CIC: variants seen among roughly 807,000 people sequenced by gnomAD.
CIC encodes the protein protein capicua homolog.
CIC carries 18 observed loss-of-function variants against 115.7 expected under a neutral mutation model. That is an observed-to-expected ratio of 0.16 (90% CI 0.11 to 0.23). CIC has a LOEUF of 0.23. Ranked by LOEUF, CIC falls within the 10% of genes least tolerant of loss-of-function variation. CIC has a pLI of 1.00. For synonymous variants in CIC, 1,076 were observed against 923.0 expected (o/e 1.17, Z -3.01); for missense variants, 2,000 against 2,159.3 (o/e 0.93, Z 1.46).
At chr19:42,284,025 A>G (rs1219325507) in intron 2 of CIC, 1 of 99,426 alleles carries the variant, frequency 1.0e-5, no homozygotes, top group African/African-American at 3.8e-5. Context: ...GGGCGGGGGG[A>G]GGCGCGGCGG....
chr19:42,288,084 GCTTT>G, intron 7 of CIC, 109 bp downstream of exon 7: 1 of 1,321,686 alleles, frequency 7.6e-7, no homozygotes, highest in East Asian at 2.5e-5. Context: ...CTGCTCTATC[GCTTT>G]AATTTGGCGA....
intron 1 of CIC, among the ~76,000 whole-genome samples, chr19:42,271,354 C>T (rs1599845821): frequency 6.6e-6 from 1 of 152,302 alleles, no homozygotes; most frequent in East Asian, 1.9e-4. Context: ...GCTCAGTTTC[C>T]TCAGGTGTGA....
chr19:42,288,386 G>A (rs2037817262), intron 7 of CIC, among the ~76,000 whole-genome samples: 1 of 152,192 alleles, frequency 6.6e-6, no homozygotes, highest in African/African-American at 2.4e-5. Context: ...CAGCACCATA[G>A]TTGGGGCCAC....
Position 42,272,573 on chromosome 19 carries a change from C to G in CIC, c.790C>G (p.Leu264Val), listed in dbSNP as rs1282024805. The G allele has an allele frequency of 7.5e-6, 3 of 398,412 alleles. No individual in the cohort carries two copies. The East Asian group carries it at 1.1e-4, about 14-fold the overall frequency. The allele number at this position is 398,412 out of a possible 1,614,324, so 24.7% of individuals were successfully genotyped here. A position where few individuals can be genotyped will look rare whatever the true frequency, so the allele number is the denominator to read the frequency against. The part of the protein sequence containing the change: ...VLDATPPPGA[L>V]VVGTAVCTCV... The stretch of plus-strand genomic sequence containing the variant: ...GGATGCCACACCCCCACCAGGTGCC[C>G]TGGTGGTGGGCACAGCTGTCTGTAC... Residue 264 changes from leucine to valine, a missense_variant, in exon 2 of 21, where the codon CTG becomes GTG. Leu to Val is a conservative substitution (Grantham distance 32). This residue lies in a region of CIC where 222 missense variants were observed against 247.7 expected (regional missense o/e 0.90). Coordinates refer to ENST00000681038, the MANE Select transcript of CIC (RefSeq NM_001386298.1).
Position 42,294,755 on chromosome 19 carries a change from T to C in CIC, c.7186+20T>C, listed in dbSNP as rs1306572804. ...CGTCAGGTGAGCCTGTCTCGGAGTC[T>C]TGGGGTCACTCGGGTGGGACTTATC... On this transcript the variant is annotated intron_variant, in intron 20 of 20. Coordinates refer to ENST00000681038, the MANE Select transcript of CIC (RefSeq NM_001386298.1). 6.2e-7 allele frequency: 1 copy of C among 1,612,230 alleles called. No individual in the cohort carries two copies. The highest frequency in any genetic ancestry group is 1.7e-5 in the Admixed American group (1 of 60,032).
chr19:42,292,156 T>G lies in CIC; in HGVS notation c.5684T>G (p.Leu1895Arg), dbSNP rs771439369. The G allele has an allele frequency of 6.2e-7, 1 of 1,613,690 alleles. No individual in the cohort carries two copies. Residue 1895 changes from leucine (L) to arginine (R), a missense_variant, in exon 13 of 21, where the codon CTC becomes CGC. Leu to Arg is a moderately radical substitution (Grantham distance 102). Coordinates refer to ENST00000681038, the MANE Select transcript of CIC (RefSeq NM_001386298.1). ...GLVPPLSPAT[L>R]PGPTSQPQKV... ...GTGCCGCCCCTGAGCCCAGCCACAC[T>G]CCCTGGACCCACCTCTCAGCCTCAG...
chr19:42,291,206 C>G lies in CIC; in HGVS notation c.5165C>G (p.Pro1722Arg), dbSNP rs2147269523. The G allele has an allele frequency of 6.2e-7, 1 of 1,610,720 alleles. No homozygotes were observed. The highest frequency in any genetic ancestry group is 8.5e-7 in the Non-Finnish European group (1 of 1,178,632). Residue 1722 changes from proline (P) to arginine (R), a missense_variant, in exon 11 of 21, where the codon CCA (proline) becomes CGA (arginine). Physicochemically the swap from Pro to Arg is moderately radical, Grantham distance 103. Coordinates refer to ENST00000681038, the MANE Select transcript of CIC (RefSeq NM_001386298.1). ...NGPVPLGILQPGALGKAGGIT... is the reference protein window; with the variant it reads ...NGPVPLGILQRGALGKAGGIT... ...CCAGTACCCCTGGGCATCCTGCAAC[C>G]AGGTGCCCTGGGCAAGGCTGGGGGA...
chr19:42,277,264 C>G (rs1358889108), intron 2 of CIC, among the ~76,000 whole-genome samples: 1 of 152,232 alleles, frequency 6.6e-6, no homozygotes, highest in African/African-American at 2.4e-5. Context: ...GAGTCTGGCT[C>G]TGTCACCCAG....
At position 42,272,932 on chromosome 19, in the gene CIC, G is replaced by C; in HGVS notation, c.1149G>C (p.Glu383Asp). 1 of 399,224 alleles carries C rather than the reference G, an allele frequency of 2.5e-6. No individual in the cohort carries two copies. The highest frequency in any genetic ancestry group is 4.4e-6 in the Non-Finnish European group (1 of 226,480). 24.7% of individuals were successfully genotyped at this position (399,224 alleles called of 1,614,324 possible). Residue 383 changes from glutamate to aspartate, a missense_variant, in exon 2 of 21, where the codon GAG (glutamate) becomes GAC (aspartate). Glu to Asp is a conservative substitution (Grantham distance 45). This residue lies in a region of CIC where 222 missense variants were observed against 247.7 expected (regional missense o/e 0.90). Transcript: ENST00000681038. ...ACCCCAAACAGCCCGAGGATGCTGAGGTCTCTAAGATCAGCTTTGGTGGCA... is the reference window on the plus strand; with the variant it reads ...ACCCCAAACAGCCCGAGGATGCTGACGTCTCTAAGATCAGCTTTGGTGGCA... Reference protein sequence around the residue: ...ALDPKQPEDAEVSKISFGGNL... With the variant: ...ALDPKQPEDADVSKISFGGNL...
Position 42,290,692 on chromosome 19 carries a change from G to A in CIC, c.4651G>A (p.Gly1551Ser). Residue 1551 changes from glycine (G) to serine (S), a missense_variant, in exon 11 of 21, where the codon GGC becomes AGC. Gly to Ser is a moderately conservative substitution (Grantham distance 56, BLOSUM62 0). Transcript: ENST00000681038. ...GCCCCCAAACAAGGAGGAGCAAGAGGGCGGCGGAGCCAGAGTGCCCTCCGC... is the reference window on the plus strand; with the variant it reads ...GCCCCCAAACAAGGAGGAGCAAGAGAGCGGCGGAGCCAGAGTGCCCTCCGC... ...VLPPNKEEQE[G>S]GGARVPSAPA... The A allele has an allele frequency of 4.3e-6, 7 of 1,613,000 alleles. No homozygotes were observed. Among genetic ancestry groups the A allele is most frequent in the African/African-American group, 1.3e-5 (1 of 75,048 alleles).
At chr19:42,286,720 G>T (rs543886238) in intron 2 of CIC, 51 bp from the exon 3 acceptor site, 1 of 1,612,342 alleles carries the variant, frequency 6.2e-7, no homozygotes. Flanking sequence ...CTTGAGTTGG[G>T]GTTGGGGCCA....
rs769228468 is a variant in CIC, at chr19:42,293,224, C to T, written c.6465C>T (p.Ser2155=). ...CCTGGACTCCCACGGCCCGGAGCAG[C>T]CCCCCACTGCCCCCACCTGCTGAGG... ...PETWTPTARS[S]PPLPPPAEER... is the part of the protein sequence containing the mutation. Residue 2155 remains serine, a synonymous_variant, in exon 16 of 21, where the codon AGC becomes AGT. Transcript: ENST00000681038. 6.8e-5 allele frequency: 109 copies of T among 1,594,790 alleles called. No individual in the cohort carries two copies. The highest frequency in any genetic ancestry group is 9.3e-5 in the Non-Finnish European group (109 of 1,172,136).
At chr19:42,290,055 G>A (rs2037961259) in intron 10 of CIC, 104 bp downstream of exon 10, 2 of 1,391,160 alleles carry the variant, frequency 1.4e-6, no homozygotes, top group African/African-American at 1.4e-5. Flanking sequence ...GGTCCAGAGA[G>A]GGCAAGCTGC....
At chr19:42,283,973 G>C (rs959854318) in intron 2 of CIC, 3 of 150,232 alleles carry the variant, frequency 2.0e-5, no homozygotes, top group Non-Finnish European at 4.5e-5. Flanking sequence ...TCACGCGCGG[G>C]GGGCCGGGCT....
Position 42,290,430 on chromosome 19 carries a change from A to G in CIC, c.4389A>G (p.Ser1463=), listed in dbSNP as rs2037999159. 6.2e-6 allele frequency: 10 copies of G among 1,613,922 alleles called. No individual in the cohort carries two copies. Among genetic ancestry groups the G allele is most frequent in the Non-Finnish European group, 8.5e-6 (10 of 1,179,956 alleles). Residue 1463 remains serine (S), a synonymous_variant, in exon 11 of 21, where the codon TCA becomes TCG. Coordinates refer to ENST00000681038, the MANE Select transcript of CIC (RefSeq NM_001386298.1). ...CAGCCACCTCCTTCTCACTGGGCTC[A>G]GGAACCTTCAAGGCCCAGGAGTCTG... ...ASAATSFSLG[S]GTFKAQESGQ...
rs372869284 is a variant in CIC at position 42,290,552 on chromosome 19, C to A, written c.4511C>A (p.Pro1504His). 1.6e-5 allele frequency: 26 copies of A among 1,613,506 alleles called. No homozygotes were observed. Among genetic ancestry groups the A allele is most frequent in the Non-Finnish European group, 2.1e-5 (25 of 1,179,906 alleles). Residue 1504 changes from proline (P) to histidine (H), a missense_variant, in exon 11 of 21, where the codon CCT (proline) becomes CAT (histidine). Transcript: ENST00000681038. ...SKATRFLPMDPATFRRKRPES... is the reference protein window; with the variant it reads ...SKATRFLPMDHATFRRKRPES... ...GCAACCCGGTTCCTCCCAATGGATC[C>A]TGCCACCTTCCGGCGCAAGAGACCC...
chr19:42,285,404 G>T (rs1420907562), intron 2 of CIC, among the ~76,000 whole-genome samples: 1 of 152,196 alleles, frequency 6.6e-6, no homozygotes, highest in Non-Finnish European at 1.5e-5. Context: ...GGGTTGGAGG[G>T]CCCAGCGGGT....
At position 42,295,143 on chromosome 19, in the gene CIC, G is replaced by GGGCGCCCCCCCCCCCCCC; in HGVS notation, c.7506_7507insGGCGCCCCCCCCCCCCCC (p.Gln2502_Pro2503insGlyAlaProProProPro). 1 of 1,382,738 alleles carries GGGCGCCCCCCCCCCCCCC rather than the reference G, an allele frequency of 7.2e-7. No individual in the cohort carries two copies. The highest frequency in any genetic ancestry group is 9.6e-7 in the Non-Finnish European group (1 of 1,037,826). The allele number at this position is 1,382,738 out of a possible 1,614,324, so 85.7% of individuals were successfully genotyped here. On this transcript the variant is annotated inframe_insertion, in exon 21 of 21. Coordinates refer to ENST00000681038, the MANE Select transcript of CIC (RefSeq NM_001386298.1). ...AGCCTGGCTGGGAGGGGGCTCCCCA[G>GGGCGCCCCCCCCCCCCCC]CCCTCCCCCCCACCCCCAGGTCCCT...
At chr19:42,274,656 G>A (rs2036900771) in intron 2 of CIC, 79 bp downstream of exon 2, 1 of 398,444 alleles carries the variant, frequency 2.5e-6, no homozygotes, top group Non-Finnish European at 4.4e-6. Context: ...TGAGAGGTGA[G>A]CTCCTCACCT....
Sources: gnomAD v4.1 joint callset for allele counts (sites outside exome capture counted in the v4.1 genomes callset) on GRCh38, gnomAD v4.1.1 for gene constraint, gnomAD v4.1.1 regional missense constraint, MANE v1.5 for transcripts, NCBI Gene and HGNC (gene_info 2026-07-23, HGNC 2026-07-21) for gene names.